SV2B: variants seen among roughly 807,000 people sequenced by gnomAD.
SV2B encodes synaptic vesicle glycoprotein 2B.
In SV2B, 41 loss-of-function variants were observed where a neutral mutation model predicts 73.9. The ratio of observed to expected loss-of-function variants is 0.56; its 90% confidence interval spans 0.43 to 0.72. The LOEUF is 0.72. Ranked by LOEUF, SV2B falls within the 30% of genes least tolerant of loss-of-function variation. The pLI is 0.00. For missense variants in SV2B, 764 were observed against 857.8 expected, an observed-to-expected ratio of 0.89 and a Z score of 1.37; for synonymous variants, 314 against 314.2, an observed-to-expected ratio of 1.00 and a Z score of 0.01.
intron 9 of SV2B, among the ~76,000 whole-genome samples, chr15:91,277,052 C>T (rs2048518657): frequency 6.6e-6 from 1 of 152,108 alleles, no homozygotes; most frequent in South Asian, 2.1e-4. Context: ...AAATTCCCGA[C>T]ATCAGGTGAT....
chr15:91,266,516 C>T (rs1297997722), intron 6 of SV2B, 66 bp from the exon 7 acceptor site: 5 of 1,238,670 alleles, frequency 4.0e-6, no homozygotes, highest in Non-Finnish European at 5.9e-6. Flanking sequence ...TTACATTAAA[C>T]TACACATTGA....
At chr15:91,259,872 C>T (rs74696755) in intron 5 of SV2B, among the ~76,000 whole-genome samples, 3,491 of 152,256 alleles carry the variant, frequency 0.023, 79 homozygotes, top group East Asian at 0.095. Context: ...GCTAATTGCA[C>T]CTGCCACGAC....
chr15:91,265,418 T>C lies in SV2B; in HGVS notation c.1009-1164T>C, dbSNP rs1019356188. ...AATCGTAAATTAGAGTGAGTAATTA[T>C]GCTTCAAGTTGTCAACACACTCACT... On this transcript the variant is annotated intron_variant, in intron 6 of 12. Coordinates refer to ENST00000394232, the MANE Select transcript of SV2B (RefSeq NM_001323032.3). The surrounding 1 kb of genome is among the most constrained non-coding windows in gnomAD (Gnocchi z 4.2). Among the ~76,000 whole-genome samples, 4 of 152,228 alleles carry C rather than the reference T, an allele frequency of 2.6e-5. No homozygotes were observed. The highest frequency in any genetic ancestry group is 9.6e-5 in the African/African-American group (4 of 41,452).
Position 91,242,817 on chromosome 15 carries a change from G to A in SV2B, c.452-9002G>A, listed in dbSNP as rs904685484. 3.3e-5 allele frequency among the ~76,000 whole-genome samples: 5 copies of A among 152,160 alleles called. No homozygotes were observed. The highest frequency in any genetic ancestry group is 3.3e-4 in the Admixed American group (5 of 15,282). On this transcript the variant is annotated intron_variant, in intron 2 of 12. Coordinates refer to ENST00000394232, the MANE Select transcript of SV2B (RefSeq NM_001323032.3). This position sits in a 1 kb window ranked among gnomAD's most constrained non-coding sequence, Gnocchi z 4.9. ...AGGCTGCACAAATCTCTGTCACACA[G>A]GGTTCTCAAATAGTAGGTGAAACTA... is the stretch of plus-strand genomic sequence containing the variant.
intron 6 of SV2B, among the ~76,000 whole-genome samples, chr15:91,260,829 T>A (rs913716692): frequency 4.6e-5 from 7 of 152,080 alleles, no homozygotes; most frequent in Non-Finnish European, 2.9e-5. Context: ...AATGAGGAAT[T>A]TGCAAAAGCA....
intron 9 of SV2B, among the ~76,000 whole-genome samples, chr15:91,269,306 C>T (rs948329086): frequency 5.3e-5 from 8 of 152,166 alleles, no homozygotes; most frequent in African/African-American, 1.4e-4. Flanking sequence ...ACCTTAATCA[C>T]GCTTACCCAA....
rs1267764188 is a variant in SV2B at position 91,232,116 on chromosome 15, G to A, written c.451+5402G>A. Among the ~76,000 whole-genome samples the A allele has an allele frequency of 6.6e-6, 1 of 152,128 alleles. No homozygotes were observed. The highest frequency in any genetic ancestry group is 1.9e-4 in the East Asian group (1 of 5,194). ...ATTCATTGTCAGTTCCTGAAAGGAG[G>A]AGCCACTCTGTGTCTCAGAAGGGGG... On this transcript the variant is annotated intron_variant, in intron 2 of 12. Coordinates refer to ENST00000394232, the MANE Select transcript of SV2B (RefSeq NM_001323032.3). This position sits in a 1 kb window ranked among gnomAD's most constrained non-coding sequence, Gnocchi z 4.7.
At position 91,123,380 on chromosome 15, in the gene SV2B, C is replaced by T. The variant is rs868181797; in HGVS notation, c.-392+23017C>T. Among the ~76,000 whole-genome samples the T allele has an allele frequency of 5.9e-5, 9 of 152,150 alleles. No individual in the cohort carries two copies. In the South Asian group the frequency reaches 8.3e-4, roughly 14 times the overall value. ...GGTTTAGCTTGGTTTAGCCATTCCA[C>T]GATGTATTCATATTTGAAAACAACA... On this transcript the variant is annotated intron_variant, in intron 1 of 12. Coordinates refer to ENST00000394232, the MANE Select transcript of SV2B (RefSeq NM_001323032.3). This position sits in a 1 kb window ranked among gnomAD's most constrained non-coding sequence, Gnocchi z 4.7.
At chr15:91,203,812 G>A (rs1244253670) in intron 1 of SV2B, among the ~76,000 whole-genome samples, 1 of 152,118 alleles carries the variant, frequency 6.6e-6, no homozygotes, top group Non-Finnish European at 1.5e-5. Context: ...TGTGGAGGAA[G>A]GGAGAGCTAC....
chr15:91,212,525 C>A lies in SV2B; in HGVS notation c.-391-13348C>A, dbSNP rs111825408. On this transcript the variant is annotated intron_variant, in intron 1 of 12. Coordinates refer to ENST00000394232, the MANE Select transcript of SV2B (RefSeq NM_001323032.3). ...CACTGTTTAATTCTGTCAGTCTTAGCATTTACTTAGGGCACACGTGTTCCT... is the reference window on the plus strand; with the variant it reads ...CACTGTTTAATTCTGTCAGTCTTAGAATTTACTTAGGGCACACGTGTTCCT... 2.3e-3 allele frequency among the ~76,000 whole-genome samples: 346 copies of A among 152,262 alleles called. 2 individuals carry two copies. The highest frequency in any genetic ancestry group is 8.2e-3 in the African/African-American group (341 of 41,546).
At chr15:91,131,470 T>A (rs2042647147) in intron 1 of SV2B, among the ~76,000 whole-genome samples, 1 of 152,068 alleles carries the variant, frequency 6.6e-6, no homozygotes, top group African/African-American at 2.4e-5. Context: ...TGTATATATT[T>A]TACTGTGAGT....
In SV2B at chr15:91,110,152, A is replaced by G. The variant is rs756586967; in HGVS notation, c.-392+9789A>G. On this transcript the variant is annotated intron_variant, in intron 1 of 12. Transcript: ENST00000394232. This position sits in a 1 kb window ranked among gnomAD's most constrained non-coding sequence, Gnocchi z 5.4. ...ACGTGTTCTGTTCCTTCTTCTTAGCAGTGTTCATTTGCATGTTTCTCTCAT... is the reference window on the plus strand; with the variant it reads ...ACGTGTTCTGTTCCTTCTTCTTAGCGGTGTTCATTTGCATGTTTCTCTCAT... Among the ~76,000 whole-genome samples the G allele has an allele frequency of 4.6e-5, 7 of 152,184 alleles. No homozygotes were observed. Among genetic ancestry groups the G allele is most frequent in the Admixed American group, 2.0e-4 (3 of 15,284 alleles).
Position 91,198,887 on chromosome 15 carries a change from G to A in SV2B, c.-391-26986G>A, listed in dbSNP as rs149898568. Among the ~76,000 whole-genome samples the A allele has an allele frequency of 3.7e-3, 557 of 152,336 alleles. 1 individual carries two copies. Among genetic ancestry groups the A allele is most frequent in the African/African-American group, 0.013 (540 of 41,572 alleles). On this transcript the variant is annotated intron_variant, in intron 1 of 12. Transcript: ENST00000394232. Reference sequence around the variant, plus strand: ...CAGCAACTCTGGGCTTCTAGGAGATGCCTCTTTAGGACTGGCAGAATCTCC... The same window carrying A: ...CAGCAACTCTGGGCTTCTAGGAGATACCTCTTTAGGACTGGCAGAATCTCC...
chr15:91,220,677 GT>G lies in SV2B; in HGVS notation c.-391-5195del, dbSNP rs1317140658. Among the ~76,000 whole-genome samples, 1 of 152,168 alleles carries G rather than the reference GT, an allele frequency of 6.6e-6. No homozygotes were observed. Among genetic ancestry groups the G allele is most frequent in the Non-Finnish European group, 1.5e-5 (1 of 68,028 alleles). ...GCTTAAGAGGTTAGCAGCATGGGAG[GT>G]AGTTGTTTTTAGGAGTAACTCAATA... On this transcript the variant is annotated intron_variant, in intron 1 of 12. Coordinates refer to ENST00000394232, the MANE Select transcript of SV2B (RefSeq NM_001323032.3). The surrounding 1 kb of genome is among the most constrained non-coding windows in gnomAD (Gnocchi z 4.1).
rs2047013172 is a variant in SV2B at position 91,241,513 on chromosome 15, G to A, written c.452-10306G>A. Among the ~76,000 whole-genome samples the A allele has an allele frequency of 6.6e-6, 1 of 152,018 alleles. No individual in the cohort carries two copies. Among genetic ancestry groups the A allele is most frequent in the Non-Finnish European group, 1.5e-5 (1 of 68,008 alleles). On this transcript the variant is annotated intron_variant, in intron 2 of 12. Coordinates refer to ENST00000394232, the MANE Select transcript of SV2B (RefSeq NM_001323032.3). This position sits in a 1 kb window ranked among gnomAD's most constrained non-coding sequence, Gnocchi z 4.8. ...ACACTCTCCTTGATGGTTATTTTGTGTCTTATCCACTATTTTCCAATTTCC... is the reference window on the plus strand; with the variant it reads ...ACACTCTCCTTGATGGTTATTTTGTATCTTATCCACTATTTTCCAATTTCC...
Position 91,283,951 on chromosome 15 carries a change from C to G in SV2B, c.1508-70C>G. 8 of 1,522,630 alleles carry G rather than the reference C, an allele frequency of 5.3e-6. No homozygotes were observed. The highest frequency in any genetic ancestry group is 7.3e-6 in the Non-Finnish European group (8 of 1,101,804). The allele number at this position is 1,522,630 out of a possible 1,614,324, so 94.3% of individuals were successfully genotyped here. Reference sequence around the variant, plus strand: ...GCCTACAGGAGGGGGCAGACTTCATCCCTGCCTCTGCCTTTCTCTCTCCAG... The same window carrying G: ...GCCTACAGGAGGGGGCAGACTTCATGCCTGCCTCTGCCTTTCTCTCTCCAG... On this transcript the variant is annotated intron_variant, in intron 10 of 12. Coordinates refer to ENST00000394232, the MANE Select transcript of SV2B (RefSeq NM_001323032.3). The surrounding 1 kb of genome is among the most constrained non-coding windows in gnomAD (Gnocchi z 4.3).
In SV2B at chr15:91,267,009, G is replaced by A. The variant is rs536696754; in HGVS notation, c.1119+317G>A. ...TAGCAAATTTTAAAATAATCACATG[G>A]AGGAAGAAGTGAGTAAAATAAATGA... On this transcript the variant is annotated intron_variant, in intron 7 of 12. Transcript: ENST00000394232. The surrounding 1 kb of genome is among the most constrained non-coding windows in gnomAD (Gnocchi z 4.3). 1 of 218,602 alleles carries A rather than the reference G, an allele frequency of 4.6e-6. No individual in the cohort carries two copies. The highest frequency in any genetic ancestry group is 1.5e-4 in the South Asian group (1 of 6,628). The allele number at this position is 218,602 out of a possible 1,614,324, so 13.5% of individuals were successfully genotyped here.
chr15:91,185,948 C>T (rs1486565830), intron 1 of SV2B, among the ~76,000 whole-genome samples: 2 of 152,196 alleles, frequency 1.3e-5, no homozygotes, highest in Admixed American at 6.5e-5. Context: ...TGAGGTGTGA[C>T]CAGATCCTCT....
chr15:91,171,101 C>T (rs781317588), intron 1 of SV2B, among the ~76,000 whole-genome samples: 4 of 152,030 alleles, frequency 2.6e-5, no homozygotes, highest in Admixed American at 6.6e-5. Context: ...ATATGGATCT[C>T]GATCAGTCTG....
Sources: allele counts gnomAD v4.1 joint callset (sites outside exome capture counted in the v4.1 genomes callset), GRCh38; gene constraint gnomAD v4.1.1; non-coding constraint Gnocchi (gnomAD v3.1); transcripts MANE v1.5; gene names NCBI Gene and HGNC (gene_info 2026-07-23, HGNC 2026-07-21).